The following ZNF385D variants were observed in gnomAD, a reference collection of about 807,000 sequenced individuals.
The protein encoded by ZNF385D is zinc finger protein 385D, also known as zinc finger protein 659.
A neutral mutation model predicts 35.8 loss-of-function variants in ZNF385D; 15 were observed. The observed-to-expected ratio is 0.42, with a 90% CI of 0.28 to 0.64. The LOEUF (loss-of-function observed/expected upper bound fraction) is 0.64, where lower values mean the gene tolerates loss of function less well. Ranked by LOEUF, ZNF385D falls within the 30% of genes least tolerant of loss-of-function variation. The pLI is 0.23. For synonymous variants in ZNF385D, 212 were observed against 186.8 expected, an observed-to-expected ratio of 1.13 and a Z score of -1.10; for missense variants, 474 against 494.6, an observed-to-expected ratio of 0.96 and a Z score of 0.39.
At chr3:22,173,597 C>T (rs1003231299) in intron 2 of ZNF385D, among the ~76,000 whole-genome samples, 1 of 152,162 alleles carries the variant, frequency 6.6e-6, no homozygotes, top group African/African-American at 2.4e-5. Flanking sequence ...AACTTCTGTT[C>T]TCTTTATCCC....
At chr3:22,319,259 A>G (rs1030982301) in intron 2 of ZNF385D, among the ~76,000 whole-genome samples, 2 of 152,118 alleles carry the variant, frequency 1.3e-5, no homozygotes, top group African/African-American at 4.8e-5. Context: ...GGAACATTTG[A>G]AGTATTAGTT....
intron 3 of ZNF385D, among the ~76,000 whole-genome samples, chr3:21,891,904 CT>C (rs1375951231): frequency 6.6e-6 from 1 of 150,780 alleles, no homozygotes; most frequent in East Asian, 1.9e-4. Flanking sequence ...AAGTTTCACT[CT>C]GTCTGCTTAA....
upstream of ZNF385D, among the ~76,000 whole-genome samples, chr3:21,755,448 T>A (rs557902132): frequency 6.6e-6 from 1 of 152,230 alleles, no homozygotes; most frequent in Non-Finnish European, 1.5e-5. Flanking sequence ...GTGTGAAACC[T>A]AAAGTATGGC....
chr3:22,256,931 T>C (rs1700346922), intron 2 of ZNF385D, among the ~76,000 whole-genome samples: 1 of 151,842 alleles, frequency 6.6e-6, no homozygotes, highest in African/African-American at 2.4e-5. Context: ...TTCATAAAGA[T>C]AGAAAATTTT....
chr3:21,716,582 G>C (rs928882888), intron 1 of ZNF385D, among the ~76,000 whole-genome samples: 15 of 152,046 alleles, frequency 9.9e-5, no homozygotes, highest in Admixed American at 9.8e-4. Flanking sequence ...TGCCTGGCTT[G>C]ATTTCTCGGC....
chr3:21,772,439 C>T (rs1466299089), intron 3 of ZNF385D, among the ~76,000 whole-genome samples: 1 of 151,662 alleles, frequency 6.6e-6, no homozygotes, highest in African/African-American at 2.4e-5. Context: ...AAATATTTTT[C>T]CAAAGATAAT....
chr3:21,949,943 A>C (rs1575990359), intron 3 of ZNF385D, among the ~76,000 whole-genome samples: 1 of 151,952 alleles, frequency 6.6e-6, no homozygotes, highest in Non-Finnish European at 1.5e-5. Flanking sequence ...CATTTTCTTT[A>C]TCTAGTTTAT....
At chr3:21,925,831 C>A (rs1179123347) in intron 3 of ZNF385D, among the ~76,000 whole-genome samples, 1 of 151,804 alleles carries the variant, frequency 6.6e-6, no homozygotes, top group African/African-American at 2.4e-5. Flanking sequence ...GACCAAAAAA[C>A]ACCTTGCCAA....
chr3:22,328,718 C>T (rs1694788883), intron 2 of ZNF385D, among the ~76,000 whole-genome samples: 1 of 150,408 alleles, frequency 6.6e-6, no homozygotes, highest in Non-Finnish European at 1.5e-5. Context: ...AGCCAGATTG[C>T]ACCACTGCAC....
intron 3 of ZNF385D, among the ~76,000 whole-genome samples, chr3:21,966,196 G>T (rs1180049992): frequency 6.6e-6 from 1 of 152,154 alleles, no homozygotes; most frequent in African/African-American, 2.4e-5. Flanking sequence ...ATAATTTATA[G>T]TATAGGACTT....
intron 2 of ZNF385D, among the ~76,000 whole-genome samples, chr3:22,234,365 T>C (rs1699059855): frequency 6.6e-6 from 1 of 152,126 alleles, no homozygotes; most frequent in Non-Finnish European, 1.5e-5. Context: ...TGAAGACACT[T>C]CCAAATCTAG....
At chr3:21,648,802 G>T (rs1294320272) in intron 2 of ZNF385D, among the ~76,000 whole-genome samples, 1 of 152,128 alleles carries the variant, frequency 6.6e-6, no homozygotes, top group Non-Finnish European at 1.5e-5. Flanking sequence ...TATTACTAAG[G>T]CTAGGTGTGT....
chr3:22,268,231 C>T (rs76185472), intron 2 of ZNF385D, among the ~76,000 whole-genome samples: 1,615 of 152,020 alleles, frequency 0.011, 26 homozygotes, highest in African/African-American at 0.037. Flanking sequence ...TAGGGGCACA[C>T]AGCAATGGCA....
chr3:21,758,267 G>T (rs2070435463), intron 3 of ZNF385D, among the ~76,000 whole-genome samples: 1 of 152,142 alleles, frequency 6.6e-6, no homozygotes. Context: ...TTAATTCCTT[G>T]GCGGTTTCAA....
chr3:21,941,302 T>C (rs1306206853), intron 3 of ZNF385D, among the ~76,000 whole-genome samples: 1 of 150,182 alleles, frequency 6.7e-6, no homozygotes, highest in Non-Finnish European at 1.5e-5. Flanking sequence ...TACCAATACA[T>C]TCTCTGACAA....
intron 2 of ZNF385D, among the ~76,000 whole-genome samples, chr3:22,366,329 G>A (rs558141736): frequency 1.2e-3 from 187 of 152,156 alleles, no homozygotes; most frequent in Non-Finnish European, 2.1e-3. Context: ...ACTCCATGAG[G>A]ACAGGGTCTC....
chr3:22,224,175 T>TA (rs1698419836), intron 2 of ZNF385D, among the ~76,000 whole-genome samples: 1 of 152,160 alleles, frequency 6.6e-6, no homozygotes. Context: ...GATAATAAAA[T>TA]ATAAGTATAA....
intron 4 of ZNF385D, among the ~76,000 whole-genome samples, chr3:21,444,756 G>C (rs535326802): frequency 6.6e-6 from 1 of 152,240 alleles, no homozygotes; most frequent in East Asian, 1.9e-4. Flanking sequence ...AAGATCATGT[G>C]ATTTGAGAGG....
chr3:22,293,197 G>C (rs1702393331), intron 2 of ZNF385D, among the ~76,000 whole-genome samples: 1 of 152,004 alleles, frequency 6.6e-6, no homozygotes, highest in Non-Finnish European at 1.5e-5. Context: ...TTATTCATTT[G>C]CATGTGTCAT....
Sources: gnomAD v4.1 joint callset for allele counts (sites outside exome capture counted in the v4.1 genomes callset) on GRCh38, gnomAD v4.1.1 for gene constraint, MANE v1.5 for transcripts, NCBI Gene and HGNC (gene_info 2026-07-23, HGNC 2026-07-21) for gene names.